The following CHD7 variants were observed in gnomAD, a reference collection of about 807,000 sequenced individuals.
The protein encoded by CHD7 is chromodomain helicase DNA binding protein 7.
In CHD7, 24 loss-of-function variants were observed where a neutral mutation model predicts 307.3. The ratio of observed to expected loss-of-function variants is 0.08; its 90% CI spans 0.06 to 0.11. The LOEUF is 0.11. Ranked by LOEUF, CHD7 falls within the 10% of genes least tolerant of loss-of-function variation. CHD7 has a pLI of 1.00. For missense variants in CHD7, 3,106 were observed against 3,727.1 expected, an observed-to-expected ratio of 0.83 and a Z score of 4.34; for synonymous variants, 1,363 against 1,349.9, an observed-to-expected ratio of 1.01 and a Z score of -0.21.
In CHD7 at chr8:60,732,234, C is replaced by A. The variant is rs139371616; in HGVS notation, c.-174-9025C>A. On this transcript the variant is annotated intron_variant, in intron 1 of 37. Transcript: ENST00000423902. ...ACTCCCCCAGAATATGAAAAAAGAT[C>A]CCTTTTCAGCTTTCCAGAAATTTTT... is the stretch of plus-strand genomic sequence containing the variant. Among the ~76,000 whole-genome samples, 88 of 152,294 alleles carry A rather than the reference C, an allele frequency of 5.8e-4. No individual in the cohort carries two copies. In the East Asian group the frequency reaches 0.011, roughly 18 times the overall value.
intron 8 of CHD7, among the ~76,000 whole-genome samples, chr8:60,818,113 CCT>C (rs1803833951): frequency 6.6e-6 from 1 of 151,934 alleles, no homozygotes; most frequent in African/African-American, 2.4e-5. Context: ...CCCCTTCCTC[CCT>C]CTCTTTTATA....
intron 3 of CHD7, among the ~76,000 whole-genome samples, chr8:60,782,238 C>T (rs186606140): frequency 1.1e-3 from 170 of 152,184 alleles, no homozygotes; most frequent in African/African-American, 3.7e-3. Context: ...TTGGTTAATC[C>T]GAATCTGTTT....
chr8:60,751,473 G>T (rs1422612807), intron 2 of CHD7, among the ~76,000 whole-genome samples: 2 of 152,196 alleles, frequency 1.3e-5, no homozygotes, highest in East Asian at 1.9e-4. Context: ...CTAATCTGGA[G>T]AATTTACCCT....
chr8:60,685,412 G>A (rs1196317363), intron 1 of CHD7, among the ~76,000 whole-genome samples: 1 of 152,164 alleles, frequency 6.6e-6, no homozygotes, highest in African/African-American at 2.4e-5. Flanking sequence ...AGAATCCTGT[G>A]GTAACCAGAC....
chr8:60,739,087 G>A (rs1159657971), intron 1 of CHD7, among the ~76,000 whole-genome samples: 1 of 152,178 alleles, frequency 6.6e-6, no homozygotes, highest in Admixed American at 6.5e-5. Flanking sequence ...CAGTGGGCTT[G>A]CAAGAGAAGG....
At chr8:60,781,894 G>T (rs1811255002) in intron 3 of CHD7, among the ~76,000 whole-genome samples, 1 of 152,140 alleles carries the variant, frequency 6.6e-6, no homozygotes. Context: ...AGCCTTCCAG[G>T]AGCAGGGTTG....
chr8:60,844,536 C>G (rs1428822713), intron 21 of CHD7, among the ~76,000 whole-genome samples: 1 of 152,170 alleles, frequency 6.6e-6, no homozygotes, highest in East Asian at 1.9e-4. Context: ...CAGTGTGAAG[C>G]AAAGTCCATG....
In CHD7 at chr8:60,734,232, C is replaced by T. The variant is rs547615200; in HGVS notation, c.-174-7027C>T. 3.1e-4 allele frequency among the ~76,000 whole-genome samples: 47 copies of T among 152,276 alleles called. No individual in the cohort carries two copies. The South Asian group carries it at 9.1e-3, about 30-fold the overall frequency. Reference sequence around the variant, plus strand: ...CTCAGAGTCTGAGGGCAGGACTTCCCAAACTTTCACATGCACAGGAATCAC... The same window carrying T: ...CTCAGAGTCTGAGGGCAGGACTTCCTAAACTTTCACATGCACAGGAATCAC... On this transcript the variant is annotated intron_variant, in intron 1 of 37. Transcript: ENST00000423902.
intron 2 of CHD7, among the ~76,000 whole-genome samples, chr8:60,746,889 C>A (rs556732160): frequency 1.3e-5 from 2 of 152,238 alleles, no homozygotes; most frequent in African/African-American, 4.8e-5. Context: ...AAGGGAAAAA[C>A]CCTAGCTTAT....
rs750210689 is a variant in CHD7, at chr8:60,810,368, GGA to G, written c.2498+2108_2498+2109del. On this transcript the variant is annotated intron_variant, in intron 7 of 37. Transcript: ENST00000423902. ...TAGTCCCTCTCAGTGGATAGGACTG[GGA>G]GAGAGAGAGAGTGTGTGTGTGTGTG... Among the ~76,000 whole-genome samples, 1,299 of 145,676 alleles carry G rather than the reference GGA, an allele frequency of 8.9e-3. 24 individuals are homozygous for G. The highest frequency in any genetic ancestry group is 0.033 in the African/African-American group (1,228 of 37,514).
rs75748074 is a variant in CHD7, at chr8:60,862,814, C to CATCA, written c.8076+163_8076+166dup. On this transcript the variant is annotated intron_variant, in intron 37 of 37. Transcript: ENST00000423902. ...TACATCATTTCATACATCATTAATACATCATTAATCCAAAGTGAATTCATT... is the reference window on the plus strand; with the variant it reads ...TACATCATTTCATACATCATTAATACATCAATCATTAATCCAAAGTGAATTCATT... 322,717 of 579,778 alleles carry CATCA rather than the reference C, an allele frequency of 0.56. 97,045 individuals are homozygous for CATCA. The highest frequency in any genetic ancestry group is 0.74 in the East Asian group (26,144 of 35,196). The allele number at this position is 579,778 out of a possible 1,614,324, so 35.9% of individuals were successfully genotyped here.
chr8:60,697,176 A>T (rs1332731802), intron 1 of CHD7, among the ~76,000 whole-genome samples: 1 of 152,198 alleles, frequency 6.6e-6, no homozygotes, highest in Non-Finnish European at 1.5e-5. Flanking sequence ...CTAAAGTTAA[A>T]CAGTTTATTC....
chr8:60,852,894 C>T lies in CHD7; in HGVS notation c.6169C>T (p.Arg2057Cys), dbSNP rs192260844. 3 of 1,613,984 alleles carry T rather than the reference C, an allele frequency of 1.9e-6. No individual in the cohort carries two copies. Among genetic ancestry groups the T allele is most frequent in the Admixed American group, 3.3e-5 (2 of 60,032 alleles). Residue 2057 changes from arginine to cysteine, a missense_variant, in exon 31 of 38, where the codon CGC becomes TGC. By Grantham distance (180) the Arg-to-Cys change is radical. Coordinates refer to ENST00000423902, the MANE Select transcript of CHD7 (RefSeq NM_017780.4). ...TEERASRTLYRIELLRKIREQ... is the reference protein window; with the variant it reads ...TEERASRTLYCIELLRKIREQ... Reference sequence around the variant, plus strand: ...GGAGCGAGCCTCTCGAACTCTGTACCGCATTGAGCTGCTACGGAAGATCCG... The same window carrying T: ...GGAGCGAGCCTCTCGAACTCTGTACTGCATTGAGCTGCTACGGAAGATCCG...
At chr8:60,701,621 A>C (rs1586182695) in intron 1 of CHD7, among the ~76,000 whole-genome samples, 1 of 152,280 alleles carries the variant, frequency 6.6e-6, no homozygotes, top group East Asian at 1.9e-4. Context: ...ATTTCCTGAT[A>C]TTCTTTTCTT....
chr8:60,727,708 C>G (rs1421006071), intron 1 of CHD7, among the ~76,000 whole-genome samples: 3 of 152,172 alleles, frequency 2.0e-5, no homozygotes, highest in Non-Finnish European at 4.4e-5. Flanking sequence ...TCTGCTGCAA[C>G]TTTGTCTTCC....
In CHD7 at chr8:60,699,112, A is replaced by C. The variant is rs564988477; in HGVS notation, c.-175+20030A>C. Among the ~76,000 whole-genome samples, 8 of 152,368 alleles carry C rather than the reference A, an allele frequency of 5.3e-5. No individual in the cohort carries two copies. In the South Asian group the frequency reaches 1.7e-3, roughly 32 times the overall value. On this transcript the variant is annotated intron_variant, in intron 1 of 37. Coordinates refer to ENST00000423902, the MANE Select transcript of CHD7 (RefSeq NM_017780.4). ...TTGGTGTTATAGTGAACAGTATGCA[A>C]CTTGAGAGCAATTAGATATTAGCAT...
Position 60,830,317 on chromosome 8 carries a change from T to C in CHD7, c.3523-5T>C. The C allele has an allele frequency of 6.2e-7, 1 of 1,608,882 alleles. No individual in the cohort carries two copies. The highest frequency in any genetic ancestry group is 1.3e-5 in the African/African-American group (1 of 74,584). ...CACTAGTATTTACTTAAGGTCCTTT[T>C]TTAGGTGCAAAAACTTCAAGCTATT... is the stretch of plus-strand genomic sequence containing the variant. On this transcript the variant is annotated splice_region_variant and splice_polypyrimidine_tract_variant and intron_variant, in intron 14 of 37. Transcript: ENST00000423902.
intron 7 of CHD7, among the ~76,000 whole-genome samples, chr8:60,811,573 T>C (rs1812809351): frequency 6.6e-6 from 1 of 152,218 alleles, no homozygotes; most frequent in Non-Finnish European, 1.5e-5. Flanking sequence ...ACCAGCCTCC[T>C]GTGTATGTGG....
intron 15 of CHD7, among the ~76,000 whole-genome samples, chr8:60,832,816 G>A (rs1052157336): frequency 6.6e-6 from 1 of 152,096 alleles, no homozygotes; most frequent in African/African-American, 2.4e-5. Flanking sequence ...TGCTTTCCAG[G>A]GTCATCCTGT....
Sources: allele counts gnomAD v4.1 joint callset (sites outside exome capture counted in the v4.1 genomes callset), GRCh38; gene constraint gnomAD v4.1.1; transcripts MANE v1.5; gene names NCBI Gene and HGNC (gene_info 2026-07-23, HGNC 2026-07-21).